Variants in INPPL1 observed in about 807,000 individuals in gnomAD.
INPPL1 encodes inositol polyphosphate phosphatase like 1, also known as phosphatidylinositol 3,4,5-trisphosphate 5-phosphatase 2.
Under a neutral mutation model 139.3 loss-of-function variants are expected in INPPL1, and 91 were observed. That is an observed-to-expected ratio of 0.65 (90% CI 0.55 to 0.78). The LOEUF is 0.78. INPPL1 is among the 30% of genes least tolerant of loss of function. The probability of loss-of-function intolerance (pLI) is 0.00; values close to 1 mark genes in which losing one functional copy is unlikely to be tolerated. For synonymous variants in INPPL1, 719 were observed against 686.6 expected (o/e 1.05, Z -0.74); for missense variants, 1,411 against 1,665.6 (o/e 0.85, Z 2.66).
chr11:72,230,250 A>C lies in INPPL1; in HGVS notation c.1069A>C (p.Thr357Pro), dbSNP rs1263483534. Residue 357 changes from threonine to proline, a missense_variant, in exon 9 of 28, where the codon ACC becomes CCC. Thr to Pro is a conservative substitution (Grantham distance 38). This residue lies in a region of INPPL1 where 504 missense variants were observed against 595.6 expected (regional missense o/e 0.85). Coordinates refer to ENST00000298229, the MANE Select transcript of INPPL1 (RefSeq NM_001567.4). ...RRQRDSQEDW[T>P]TFTHDRIRQL... is the part of the protein sequence containing the mutation. ...ACAGCGGGACTCCCAGGAGGACTGG[A>C]CCACCTTCACGCACGACCGCAGTGA... 1 of 1,608,774 alleles carries C rather than the reference A, an allele frequency of 6.2e-7. No homozygotes were observed. The highest frequency in any genetic ancestry group is 8.5e-7 in the Non-Finnish European group (1 of 1,176,622).
chr11:72,225,282 C>T, intron 1 of INPPL1, 116 bp downstream of exon 1: 1 of 1,220,960 alleles, frequency 8.2e-7, no homozygotes, highest in Non-Finnish European at 1.0e-6. Flanking sequence ...GACCCGCCTC[C>T]ACCCCCCAGA....
intron 13 of INPPL1, 78 bp from the exon 14 acceptor site, chr11:72,232,162 C>T: frequency 2.6e-6 from 3 of 1,169,570 alleles, no homozygotes; most frequent in Non-Finnish European, 3.7e-6. Context: ...CCTCTCACTG[C>T]AGCTTTGAGA....
In INPPL1 at chr11:72,230,240, G is replaced by T. The variant is rs752421825; in HGVS notation, c.1059G>T (p.Gln353His). The change falls in exon 9 of 28, where the codon CAG becomes CAT. Residue 353 changes from glutamine (Q) to histidine (H), a missense_variant. Around this residue, in one of 5 missense-constraint regions of INPPL1, gnomAD observed 504 missense variants for 595.6 expected, o/e 0.85. Coordinates refer to ENST00000298229, the MANE Select transcript of INPPL1 (RefSeq NM_001567.4). The stretch of plus-strand genomic sequence containing the variant: ...TGCTGCGGAGACAGCGGGACTCCCA[G>T]GAGGACTGGACCACCTTCACGCACG... ...LVLLRRQRDS[Q>H]EDWTTFTHDR... 6.2e-7 allele frequency: 1 copy of T among 1,609,844 alleles called. No homozygotes were observed. Among genetic ancestry groups the T allele is most frequent in the Non-Finnish European group, 8.5e-7 (1 of 1,177,302 alleles).
At position 72,225,074 on chromosome 11, in the gene INPPL1, C is replaced by T. The variant is rs959865697; in HGVS notation, c.90C>T (p.Ala30=). 1.6e-6 allele frequency: 2 copies of T among 1,230,384 alleles called. No individual in the cohort carries two copies. The highest frequency in any genetic ancestry group is 1.6e-5 in the African/African-American group (1 of 64,246). 76.2% of individuals were successfully genotyped at this position (1,230,384 alleles called of 1,614,324 possible). The stretch of plus-strand genomic sequence containing the variant: ...ACCACCGCGACCTGAGCCGGGCGGC[C>T]GCGGAGGAGCTGCTGGCCCGGGCGG... ...SWYHRDLSRA[A]AEELLARAGR... The change falls in exon 1 of 28, where the codon GCC becomes GCT. Residue 30 remains alanine, a synonymous_variant. Coordinates refer to ENST00000298229, the MANE Select transcript of INPPL1 (RefSeq NM_001567.4).
intron 26 of INPPL1, 25 bp from the exon 27 acceptor site, chr11:72,238,017 C>A (rs879672527): frequency 1.3e-6 from 2 of 1,520,432 alleles, no homozygotes; most frequent in Non-Finnish European, 1.8e-6. Flanking sequence ...CACTCAGCTC[C>A]CCCTGACATG....
At position 72,228,665 on chromosome 11, in the gene INPPL1, G is replaced by A. The variant is rs1948743716; in HGVS notation, c.398-62G>A. The A allele has an allele frequency of 1.4e-5, 22 of 1,576,172 alleles. No individual in the cohort carries two copies. Among genetic ancestry groups the A allele is most frequent in the South Asian group, 3.4e-5 (3 of 87,238 alleles). ...ATGGAAGTCACTTTACAGCTGCATCGTGCCTCCTACTCCACTGAGTGTGGG... is the reference window on the plus strand; with the variant it reads ...ATGGAAGTCACTTTACAGCTGCATCATGCCTCCTACTCCACTGAGTGTGGG... On this transcript the variant is annotated intron_variant, in intron 3 of 27. Coordinates refer to ENST00000298229, the MANE Select transcript of INPPL1 (RefSeq NM_001567.4). The surrounding 1 kb of genome is among the most constrained non-coding windows in gnomAD (Gnocchi z 5.0).
Position 72,235,762 on chromosome 11 carries a change from G to C in INPPL1, c.2738+9G>C. Reference sequence around the variant, plus strand: ...GGGAGCCAGGAGCCCAGGTGAGCTAGGGCTGTGTTGAATGTCATATGAAAG... The same window carrying C: ...GGGAGCCAGGAGCCCAGGTGAGCTACGGCTGTGTTGAATGTCATATGAAAG... On this transcript the variant is annotated intron_variant, in intron 24 of 27. Coordinates refer to ENST00000298229, the MANE Select transcript of INPPL1 (RefSeq NM_001567.4). The surrounding 1 kb of genome is among the most constrained non-coding windows in gnomAD (Gnocchi z 4.9). 6.2e-7 allele frequency: 1 copy of C among 1,614,102 alleles called. No individual in the cohort carries two copies. The highest frequency in any genetic ancestry group is 8.5e-7 in the Non-Finnish European group (1 of 1,179,984).
In INPPL1 at chr11:72,228,621, G is replaced by A; in HGVS notation, c.398-106G>A. The stretch of plus-strand genomic sequence containing the variant: ...CCTTTCCCTTGGCCATGATGCCGGG[G>A]CCCTTTAACCCTCTTTCCATGGAAG... On this transcript the variant is annotated intron_variant, in intron 3 of 27. Coordinates refer to ENST00000298229, the MANE Select transcript of INPPL1 (RefSeq NM_001567.4). The surrounding 1 kb of genome is among the most constrained non-coding windows in gnomAD (Gnocchi z 5.0). 2 of 1,541,104 alleles carry A rather than the reference G, an allele frequency of 1.3e-6. No individual in the cohort carries two copies. Among genetic ancestry groups the A allele is most frequent in the Non-Finnish European group, 8.8e-7 (1 of 1,137,732 alleles).
chr11:72,234,143 T>G lies in INPPL1; in HGVS notation c.2213-138T>G. 1 of 656,484 alleles carries G rather than the reference T, an allele frequency of 1.5e-6. No individual in the cohort carries two copies. The highest frequency in any genetic ancestry group is 2.7e-6 in the Non-Finnish European group (1 of 370,368). 40.7% of individuals were successfully genotyped at this position (656,484 alleles called of 1,614,324 possible). A position where few individuals can be genotyped will look rare whatever the true frequency, so the allele number is the denominator to read the frequency against. ...CTCTGGAGATTCCCTGTTGGTGGCT[T>G]GGGACTGGGGAGGCCCCTCCTGGCC... On this transcript the variant is annotated intron_variant, in intron 19 of 27. Transcript: ENST00000298229. This position sits in a 1 kb window ranked among gnomAD's most constrained non-coding sequence, Gnocchi z 4.2.
chr11:72,226,513 G>A (rs1014352632), intron 1 of INPPL1, among the ~76,000 whole-genome samples: 4 of 152,126 alleles, frequency 2.6e-5, no homozygotes, highest in African/African-American at 9.7e-5. Context: ...AACTGGGATG[G>A]TGCTATTGAC....
In INPPL1 at chr11:72,229,145, C is replaced by G; in HGVS notation, c.574C>G (p.Leu192Val). 1.2e-6 allele frequency: 2 copies of G among 1,613,930 alleles called. No homozygotes were observed. The highest frequency in any genetic ancestry group is 1.7e-6 in the Non-Finnish European group (2 of 1,179,956). The change falls in exon 5 of 28, where the codon CTG (leucine) becomes GTG (valine). Residue 192 changes from leucine to valine, a missense_variant. Leu to Val is a conservative substitution (Grantham distance 32). Around this residue, in one of 5 missense-constraint regions of INPPL1, gnomAD observed 504 missense variants for 595.6 expected, o/e 0.85. Transcript: ENST00000298229. The stretch of plus-strand genomic sequence containing the variant: ...CGACTACCTGAAAGGCAGCTATGGG[C>G]TGGACCTGGAAGCTGTGAGGGGTGG... ...SHDYLKGSYG[L>V]DLEAVRGGAS...
rs12417459 is a variant in INPPL1, at chr11:72,236,225, G to A, written c.2879+239G>A. Among the ~76,000 whole-genome samples, 2,362 of 152,268 alleles carry A rather than the reference G, an allele frequency of 0.016. 45 individuals are homozygous for A. Among genetic ancestry groups the A allele is most frequent in the East Asian group, 0.08 (415 of 5,188 alleles). On this transcript the variant is annotated intron_variant, in intron 25 of 27. Coordinates refer to ENST00000298229, the MANE Select transcript of INPPL1 (RefSeq NM_001567.4). ...AATTCTGCCTTTAAAAATGGAATGCGAAATTGTTTCTAAGACAGCTCCCTC... is the reference window on the plus strand; with the variant it reads ...AATTCTGCCTTTAAAAATGGAATGCAAAATTGTTTCTAAGACAGCTCCCTC...
Position 72,228,092 on chromosome 11 carries a change from G to T in INPPL1, c.183-98G>T. The stretch of plus-strand genomic sequence containing the variant: ...GTGGTTTTAGGGAAACCAAGCTGAG[G>T]GGGTTGGGGTGCTGAGCTTGCTGGC... On this transcript the variant is annotated intron_variant, in intron 1 of 27. Transcript: ENST00000298229. The surrounding 1 kb of genome is among the most constrained non-coding windows in gnomAD (Gnocchi z 5.0). 1 of 1,276,372 alleles carries T rather than the reference G, an allele frequency of 7.8e-7. No homozygotes were observed. The allele number at this position is 1,276,372 out of a possible 1,614,324, so 79.1% of individuals were successfully genotyped here.
chr11:72,230,518 A>G (rs1473931931), intron 10 of INPPL1, 50 bp downstream of exon 10: 4 of 1,516,222 alleles, frequency 2.6e-6, no homozygotes, highest in African/African-American at 1.4e-5. Context: ...GGTCCCCCAC[A>G]TGGGTGCTTC....
At position 72,229,228 on chromosome 11, in the gene INPPL1, C is replaced by G. The variant is rs1214734169; in HGVS notation, c.657C>G (p.His219Gln). ...TCGCTACCTCATGCCGGAGGCTGCACAGGTATCTGGGACATCCAGCCCCAT... is the reference window on the plus strand; with the variant it reads ...TCGCTACCTCATGCCGGAGGCTGCAGAGGTATCTGGGACATCCAGCCCCAT... The part of the protein sequence containing the change: ...RTLATSCRRL[H>Q]SEVDKVLSGL... Residue 219 changes from histidine (H) to glutamine (Q), a missense_variant and splice_region_variant, in exon 5 of 28, where the codon CAC becomes CAG. His to Gln is a conservative substitution (Grantham distance 24). Coordinates refer to ENST00000298229, the MANE Select transcript of INPPL1 (RefSeq NM_001567.4). 1 of 1,606,624 alleles carries G rather than the reference C, an allele frequency of 6.2e-7. No individual in the cohort carries two copies.
chr11:72,224,398 G>A (rs539528049), upstream of INPPL1, among the ~76,000 whole-genome samples: 4 of 151,864 alleles, frequency 2.6e-5, no homozygotes, highest in African/African-American at 9.7e-5. Flanking sequence ...AAGCTGTAAG[G>A]GGGACGAGAG....
chr11:72,224,264 G>A (rs1412613465), upstream of INPPL1, among the ~76,000 whole-genome samples: 1 of 151,516 alleles, frequency 6.6e-6, no homozygotes, highest in Non-Finnish European at 1.5e-5. Context: ...GGAGTTGGGG[G>A]TTCAGATCTA....
chr11:72,233,503 C>T lies in INPPL1; in HGVS notation c.2103C>T (p.His701=), dbSNP rs766160374. Residue 701 remains histidine, a synonymous_variant, in exon 18 of 28, where the codon CAC becomes CAT. Transcript: ENST00000298229. ...TGTGGAAATCCTACCCTGAAACTCA[C>T]ATCATCTGCAATTCTTATGGTCAGA... ...RILWKSYPET[H]IICNSYGCTD... 6.8e-6 allele frequency: 11 copies of T among 1,614,126 alleles called. No individual in the cohort carries two copies. The South Asian group carries it at 9.9e-5, about 14-fold the overall frequency.
intron 1 of INPPL1, chr11:72,225,631 G>C: frequency 1.5e-6 from 1 of 650,504 alleles, no homozygotes; most frequent in Non-Finnish European, 1.9e-6. Context: ...GTGCTTTGGG[G>C]TTCTGCCTGG....
Sources: allele counts gnomAD v4.1 joint callset (sites outside exome capture counted in the v4.1 genomes callset), GRCh38; gene constraint gnomAD v4.1.1; regional missense constraint gnomAD v4.1.1; non-coding constraint Gnocchi (gnomAD v3.1); transcripts MANE v1.5; gene names NCBI Gene and HGNC (gene_info 2026-07-23, HGNC 2026-07-21).